Variants in DIMT1 observed in about 807,000 individuals in gnomAD.
The protein encoded by DIMT1 is dimethyladenosine transferase.
Under a neutral mutation model 43.2 loss-of-function variants are expected in DIMT1, and 36 were observed. The observed-to-expected ratio is 0.83, with a 90% CI of 0.64 to 1.10. The LOEUF (loss-of-function observed/expected upper bound fraction) is 1.10. Among genes scored for constraint, DIMT1 ranks in the 50% least tolerant of loss-of-function variants. DIMT1 has a pLI of 0.00. For missense variants in DIMT1, 341 were observed against 385.3 expected, an observed-to-expected ratio of 0.88 and a Z score of 0.96; for synonymous variants, 126 against 130.3, an observed-to-expected ratio of 0.97 and a Z score of 0.22.
chr5:62,403,145 T>G (rs1742768109), intron 2 of DIMT1, 128 bp downstream of exon 2: 1 of 817,064 alleles, frequency 1.2e-6, no homozygotes, highest in African/African-American at 1.7e-5. Context: ...CCTAGACAAT[T>G]ATTTGATTCA....
At chr5:62,391,262 T>C (rs911371214) in intron 10 of DIMT1, 22 of 296,392 alleles carry the variant, frequency 7.4e-5, no homozygotes, top group Non-Finnish European at 9.9e-5. Context: ...ACTTCACAAA[T>C]AATTACAACT....
rs1482393732 is a variant in DIMT1 at position 62,391,695 on chromosome 5, G to A, written c.792+476C>T. ...GCACACACTGTTACACAAATGATAC[G>A]CATGAGGCTCACAACCAGAAATCTG... On this transcript the variant is annotated intron_variant, in intron 10 of 11. Transcript: ENST00000199320. 28 of 1,270,718 alleles carry A rather than the reference G, an allele frequency of 2.2e-5. 1 individual carries two copies. The East Asian group carries it at 5.5e-4, about 25-fold the overall frequency. The allele number at this position is 1,270,718 out of a possible 1,614,324, so 78.7% of individuals were successfully genotyped here.
At chr5:62,399,891 C>T (rs1056716049) in intron 3 of DIMT1, among the ~76,000 whole-genome samples, 2 of 151,956 alleles carry the variant, frequency 1.3e-5, no homozygotes, top group African/African-American at 2.4e-5. Context: ...GGCAACAGAG[C>T]GAGACTCCAT....
At chr5:62,398,921 G>T in intron 3 of DIMT1, 40 bp from the exon 4 acceptor site, 1 of 1,452,558 alleles carries the variant, frequency 6.9e-7, no homozygotes, top group South Asian at 1.2e-5. Context: ...GTTAATTATG[G>T]AATATAAATC....
intron 8 of DIMT1, 29 bp downstream of exon 8, chr5:62,393,926 T>C (rs1411453936): frequency 6.3e-6 from 10 of 1,579,998 alleles, no homozygotes; most frequent in Non-Finnish European, 7.7e-6. Flanking sequence ...TTTTTTCCTT[T>C]ATTGAATGAG....
chr5:62,394,749 T>C, intron 6 of DIMT1, 142 bp from the exon 7 acceptor site: 1 of 1,195,244 alleles, frequency 8.4e-7, no homozygotes, highest in Non-Finnish European at 1.2e-6. Context: ...CAGCCTTTTT[T>C]TTATTGCCAC....
At position 62,393,172 on chromosome 5, in the gene DIMT1, T is replaced by C. The variant is rs564338862; in HGVS notation, c.664-182A>G. ...CAAAAGTAAGACATACATTTGATTT[T>C]TGCACTTTGGCGCATTTCACTGAAT... On this transcript the variant is annotated intron_variant, in intron 8 of 11. Transcript: ENST00000199320. Among the ~76,000 whole-genome samples, 30 of 152,346 alleles carry C rather than the reference T, an allele frequency of 2.0e-4. No homozygotes were observed. The South Asian group carries it at 5.8e-3, about 29-fold the overall frequency.
intron 6 of DIMT1, among the ~76,000 whole-genome samples, chr5:62,397,969 A>T (rs540438132): frequency 8.3e-4 from 127 of 152,296 alleles, no homozygotes; most frequent in African/African-American, 2.9e-3. Context: ...TGATTTCACC[A>T]TTCTTCCAAC....
In DIMT1 at chr5:62,398,759, T is replaced by A. The variant is rs1319382648; in HGVS notation, c.303-20A>T. ...ACAGGCCTGATGAGAAAAGAAGAAATGTAAAAAGAATGTTGTTTCATGAGA... is the reference window on the plus strand; with the variant it reads ...ACAGGCCTGATGAGAAAAGAAGAAAAGTAAAAAGAATGTTGTTTCATGAGA... On this transcript the variant is annotated intron_variant, in intron 4 of 11. Transcript: ENST00000199320. 6.2e-7 allele frequency: 1 copy of A among 1,613,968 alleles called. No individual in the cohort carries two copies. Among genetic ancestry groups the A allele is most frequent in the Non-Finnish European group, 8.5e-7 (1 of 1,179,924 alleles).
chr5:62,399,519 C>T (rs1742622302), intron 3 of DIMT1, among the ~76,000 whole-genome samples: 2 of 151,708 alleles, frequency 1.3e-5, no homozygotes, highest in South Asian at 2.1e-4. Flanking sequence ...TGGTGGGCGC[C>T]TGTAATCCCA....
chr5:62,395,134 C>T lies in DIMT1; in HGVS notation c.447-527G>A, dbSNP rs973642585. Among the ~76,000 whole-genome samples, 9 of 151,960 alleles carry T rather than the reference C, an allele frequency of 5.9e-5. No individual in the cohort carries two copies. The South Asian group carries it at 1.0e-3, about 18-fold the overall frequency. On this transcript the variant is annotated intron_variant, in intron 6 of 11. Coordinates refer to ENST00000199320, the MANE Select transcript of DIMT1 (RefSeq NM_014473.4). ...CCGTCTCCCAGGTTCAAGTGATCCTCGTTCCTCAGCCTCCCGAGTAGCTGG... is the reference window on the plus strand; with the variant it reads ...CCGTCTCCCAGGTTCAAGTGATCCTTGTTCCTCAGCCTCCCGAGTAGCTGG...
intron 6 of DIMT1, among the ~76,000 whole-genome samples, chr5:62,396,018 A>C (rs181354264): frequency 2.6e-4 from 40 of 152,126 alleles, no homozygotes; most frequent in Non-Finnish European, 4.0e-4. Context: ...GAAAAAACAT[A>C]AACTTTATTA....
intron 6 of DIMT1, among the ~76,000 whole-genome samples, chr5:62,396,139 G>GTTTTTTTTTTTTTTTTTTTTTTTT (rs758847833): frequency 0.083 from 9,519 of 115,210 alleles, 1,453 homozygotes; most frequent in Middle Eastern, 0.11. Context: ...GTCACTGCAG[G>GTTTTTTTTTTTTTTTTTTTTTTTT]TTTTTTTTTT....
chr5:62,389,199 T>C (rs1742177070), intron 11 of DIMT1, 147 bp from the exon 12 acceptor site: 1 of 694,244 alleles, frequency 1.4e-6, no homozygotes, highest in Admixed American at 3.4e-5. Flanking sequence ...TAAAGAAACG[T>C]TACTGGCTGG....
rs772275744 is a variant in DIMT1, at chr5:62,398,689, T to C, written c.353A>G (p.Asp118Gly). 6.2e-7 allele frequency: 1 copy of C among 1,614,194 alleles called. No individual in the cohort carries two copies. Among genetic ancestry groups the C allele is most frequent in the Non-Finnish European group, 8.5e-7 (1 of 1,180,036 alleles). ...QVLVGDVLKT[D>G]LPFFDTCVAN... ...CACACAAGTATCAAAGAATGGCAAA[T>C]CTGTTTTCAGCACATCACCCACCAG... Residue 118 changes from aspartate (D) to glycine (G), a missense_variant, in exon 5 of 12, where the codon GAT (aspartate) becomes GGT (glycine). Coordinates refer to ENST00000199320, the MANE Select transcript of DIMT1 (RefSeq NM_014473.4).
At position 62,401,490 on chromosome 5, in the gene DIMT1, CT is replaced by C. The variant is rs549536966; in HGVS notation, c.240+545del. Among the ~76,000 whole-genome samples, 40 of 125,926 alleles carry C rather than the reference CT, an allele frequency of 3.2e-4. 1 individual carries two copies. In the East Asian group the frequency reaches 8.7e-3, roughly 27 times the overall value. 82.6% of individuals were successfully genotyped at this position (125,926 alleles called of 152,430 possible). On this transcript the variant is annotated intron_variant, in intron 3 of 11. Coordinates refer to ENST00000199320, the MANE Select transcript of DIMT1 (RefSeq NM_014473.4). Reference sequence around the variant, plus strand: ...AGCCTGGGGAACAGTGTGAAATTCCCTCTCCAAAAAAAAAAAAAAAAAAAAA... The same window carrying C: ...AGCCTGGGGAACAGTGTGAAATTCCCCTCCAAAAAAAAAAAAAAAAAAAAA...
In DIMT1 at chr5:62,390,976, G is replaced by T. The variant is rs1345898251; in HGVS notation, c.799C>A (p.Pro267Thr). Reference protein sequence around the residue: ...IHCSVHNIIIPEDFSIADKIQ... With the variant: ...IHCSVHNIIITEDFSIADKIQ... ...TTATCTGCTATGCTGAAATCTTCTG[G>T]TATTATCTATCAATATAAGATTCAG... is the stretch of plus-strand genomic sequence containing the variant. The change falls in exon 11 of 12, where the codon CCA (proline) becomes ACA (threonine). Residue 267 changes from proline to threonine, a missense_variant. Pro to Thr is a conservative substitution (Grantham distance 38). Coordinates refer to ENST00000199320, the MANE Select transcript of DIMT1 (RefSeq NM_014473.4). 1 of 1,611,990 alleles carries T rather than the reference G, an allele frequency of 6.2e-7. No individual in the cohort carries two copies. Among genetic ancestry groups the T allele is most frequent in the African/African-American group, 1.3e-5 (1 of 74,840 alleles).
intron 2 of DIMT1, among the ~76,000 whole-genome samples, chr5:62,402,992 T>G (rs1413803047): frequency 1.3e-5 from 2 of 152,148 alleles, no homozygotes; most frequent in Admixed American, 6.6e-5. Flanking sequence ...AAAAGGTGAT[T>G]AGAAATAGAA....
intron 9 of DIMT1, 199 bp downstream of exon 9, chr5:62,392,722 GTGATC>G (rs773504329): frequency 2.3e-6 from 1 of 443,892 alleles, no homozygotes; most frequent in East Asian, 3.6e-5. Context: ...GCCAAAAAAT[GTGATC>G]TGACTCTCAA....
Sources: gnomAD v4.1 joint callset for allele counts (sites outside exome capture counted in the v4.1 genomes callset) on GRCh38, gnomAD v4.1.1 for gene constraint, MANE v1.5 for transcripts, NCBI Gene and HGNC (gene_info 2026-07-23, HGNC 2026-07-21) for gene names.